The following ZNF829 variants were observed in gnomAD, a reference collection of about 807,000 sequenced individuals.
ZNF829 encodes zinc finger protein 829.
A neutral mutation model predicts 35.2 loss-of-function variants in ZNF829; 25 were observed. That is an observed-to-expected ratio of 0.71 (90% CI 0.52 to 0.99). The LOEUF (loss-of-function observed/expected upper bound fraction) is 0.99, where lower values mean the gene tolerates loss of function less well. ZNF829 is among the 50% of genes least tolerant of loss of function. ZNF829 has a pLI of 0.00. For synonymous variants in ZNF829, 136 were observed against 163.2 expected (o/e 0.83, Z 1.27); for missense variants, 417 against 515.3 (o/e 0.81, Z 1.85).
intron 5 of ZNF829, among the ~76,000 whole-genome samples, chr19:36,894,536 T>A (rs554799701): frequency 6.6e-6 from 1 of 151,962 alleles, no homozygotes; most frequent in East Asian, 1.9e-4. Flanking sequence ...AGAACATGGA[T>A]AAAAACCAAA....
In ZNF829 at chr19:36,915,197, G is replaced by C; in HGVS notation, c.-30C>G. On this transcript the variant is annotated 5_prime_UTR_variant, in exon 2 of 6. Coordinates refer to ENST00000391711, the MANE Select transcript of ZNF829 (RefSeq NM_001037232.4). ...TCCAATTCCAGTGGCTCAGGGGAAA[G>C]GTTGTGTTCACTGCTGTCCAGGGTT... 6.2e-7 allele frequency: 1 copy of C among 1,614,034 alleles called. No individual in the cohort carries two copies. Among genetic ancestry groups the C allele is most frequent in the Non-Finnish European group, 8.5e-7 (1 of 1,179,922 alleles).
intron 4 of ZNF829, 32 bp downstream of exon 4, chr19:36,908,301 C>T (rs1448140337): frequency 1.3e-6 from 2 of 1,593,736 alleles, no homozygotes; most frequent in South Asian, 1.1e-5. Flanking sequence ...TCCAAGGGCA[C>T]ACTCTGAATT....
chr19:36,901,735 C>A, intron 5 of ZNF829: 1 of 497,340 alleles, frequency 2.0e-6, no homozygotes, highest in East Asian at 3.7e-5. Flanking sequence ...AACTTGGATC[C>A]GGCAGAATGG....
At position 36,891,478 on chromosome 19, in the gene ZNF829, T is replaced by C; in HGVS notation, c.*14A>G. The C allele has an allele frequency of 6.6e-7, 1 of 1,524,462 alleles. No homozygotes were observed. Among genetic ancestry groups the C allele is most frequent in the Non-Finnish European group, 8.8e-7 (1 of 1,140,032 alleles). 94.4% of individuals were successfully genotyped at this position (1,524,462 alleles called of 1,614,324 possible). On this transcript the variant is annotated 3_prime_UTR_variant, in exon 6 of 6. Transcript: ENST00000391711. Reference sequence around the variant, plus strand: ...ATTATAAAGGTTAACAAAATGGTCTTACTTTACTGTCATTCAACCAGTATG... The same window carrying C: ...ATTATAAAGGTTAACAAAATGGTCTCACTTTACTGTCATTCAACCAGTATG...
rs764420391 is a variant in ZNF829 at position 36,907,989 on chromosome 19, A to G, written c.259T>C (p.Leu87=). The G allele has an allele frequency of 3.7e-6, 6 of 1,613,880 alleles. No homozygotes were observed. The Admixed American group carries it at 5.0e-5, about 13-fold the overall frequency. Residue 87 remains leucine (L), a synonymous_variant, in exon 5 of 6, where the codon TTG becomes CTG. Coordinates refer to ENST00000391711, the MANE Select transcript of ZNF829 (RefSeq NM_001037232.4). The stretch of plus-strand genomic sequence containing the variant: ...ATCCAGGGCTCTTTTCCTTGTTCCA[A>G]TAAGGAGATCACAGCTGGCTTAGAA... The part of the protein sequence containing the change: ...SNSKPAVISL[L]EQGKEPWMVD...
At position 36,889,590 on chromosome 19, in the gene ZNF829, G is replaced by C. The variant is rs2073031328; in HGVS notation, c.*1902C>G. ...CTAATATGTGCATATAGTTTCTGCTGATATTTTATATGTCTGTGTTATCAG... is the reference window on the plus strand; with the variant it reads ...CTAATATGTGCATATAGTTTCTGCTCATATTTTATATGTCTGTGTTATCAG... On this transcript the variant is annotated 3_prime_UTR_variant, in exon 6 of 6. Coordinates refer to ENST00000391711, the MANE Select transcript of ZNF829 (RefSeq NM_001037232.4). 1 of 152,040 alleles carries C rather than the reference G, an allele frequency of 6.6e-6. No individual in the cohort carries two copies. The highest frequency in any genetic ancestry group is 6.5e-5 in the Admixed American group (1 of 15,274). The allele number at this position is 152,040 out of a possible 1,614,324, so 9.4% of individuals were successfully genotyped here.
intron 5 of ZNF829, among the ~76,000 whole-genome samples, chr19:36,898,291 A>C (rs2073131015): frequency 6.6e-6 from 1 of 152,238 alleles, no homozygotes; most frequent in African/African-American, 2.4e-5. Context: ...AATAAATTTA[A>C]CCATGAAGTG....
chr19:36,893,340 T>C (rs2073080255), intron 5 of ZNF829, among the ~76,000 whole-genome samples: 1 of 152,130 alleles, frequency 6.6e-6, no homozygotes, highest in Non-Finnish European at 1.5e-5. Flanking sequence ...AAATGAATAA[T>C]TCAAGTCATA....
chr19:36,916,067 A>C lies in ZNF829; in HGVS notation c.-141T>G. The stretch of plus-strand genomic sequence containing the variant: ...CGAAACGTTCGAATTCCTGCGAGAA[A>C]AGTGGCAGGCCACCAGGCCCTCTGG... On this transcript the variant is annotated 5_prime_UTR_variant, in exon 1 of 6. Coordinates refer to ENST00000391711, the MANE Select transcript of ZNF829 (RefSeq NM_001037232.4). The surrounding 1 kb of genome is among the most constrained non-coding windows in gnomAD (Gnocchi z 5.3). 2.4e-6 allele frequency: 2 copies of C among 834,314 alleles called. No individual in the cohort carries two copies. Among genetic ancestry groups the C allele is most frequent in the Non-Finnish European group, 3.6e-6 (2 of 559,818 alleles). The allele number at this position is 834,314 out of a possible 1,614,324, so 51.7% of individuals were successfully genotyped here.
chr19:36,897,767 C>G lies in ZNF829; in HGVS notation c.320-5296G>C, dbSNP rs10402487. Among the ~76,000 whole-genome samples the G allele has an allele frequency of 3.1e-3, 473 of 152,318 alleles. 5 individuals carry two copies. The highest frequency in any genetic ancestry group is 0.011 in the African/African-American group (456 of 41,582). ...AATAGAAAGTCACACTGTCCCTTTA[C>G]AGATGACATGATCTTACATATATTT... On this transcript the variant is annotated intron_variant, in intron 5 of 5. Coordinates refer to ENST00000391711, the MANE Select transcript of ZNF829 (RefSeq NM_001037232.4).
chr19:36,908,110 TG>T, intron 4 of ZNF829, 86 bp from the exon 5 acceptor site: 2 of 1,298,942 alleles, frequency 1.5e-6, no homozygotes, highest in Non-Finnish European at 2.2e-6. Flanking sequence ...AAAGGAGAGA[TG>T]CCACTACAAG....
At chr19:36,898,381 C>T (rs1455169639) in intron 5 of ZNF829, among the ~76,000 whole-genome samples, 1 of 152,094 alleles carries the variant, frequency 6.6e-6, no homozygotes, top group Non-Finnish European at 1.5e-5. Flanking sequence ...TATTTGCATG[C>T]TTATGCACTG....
rs2073192195 is a variant in ZNF829, at chr19:36,903,759, CAGGTG to C, written c.319+4165_319+4169del. ...TAAAAAAATTAGCCGGGCATGGTGGCAGGTGCCTCTAATCCCAGCTACTCGGGAGG... is the reference window on the plus strand; with the variant it reads ...TAAAAAAATTAGCCGGGCATGGTGGCCCTCTAATCCCAGCTACTCGGGAGG... On this transcript the variant is annotated intron_variant, in intron 5 of 5. Coordinates refer to ENST00000391711, the MANE Select transcript of ZNF829 (RefSeq NM_001037232.4). Among the ~76,000 whole-genome samples, 6 of 114,540 alleles carry C rather than the reference CAGGTG, an allele frequency of 5.2e-5. No individual in the cohort carries two copies. The South Asian group carries it at 1.9e-3, about 36-fold the overall frequency. 75.1% of individuals were successfully genotyped at this position (114,540 alleles called of 152,430 possible). A position where few individuals can be genotyped will look rare whatever the true frequency, so the allele number is the denominator to read the frequency against.
intron 3 of ZNF829, 61 bp from the exon 4 acceptor site, chr19:36,908,520 G>A: frequency 4.5e-6 from 7 of 1,541,658 alleles, no homozygotes; most frequent in Non-Finnish European, 6.1e-6. Flanking sequence ...CGGTAGAGGT[G>A]GCAAGAAAGG....
chr19:36,907,762 C>A, intron 5 of ZNF829, 167 bp downstream of exon 5: 2 of 540,170 alleles, frequency 3.7e-6, no homozygotes, highest in Non-Finnish European at 6.5e-6. Context: ...TAATTGTAGC[C>A]AGGGAGGTAC....
Position 36,916,014 on chromosome 19 carries a change from C to T in ZNF829, c.-88G>A. The T allele has an allele frequency of 7.5e-7, 1 of 1,325,592 alleles. No homozygotes were observed. Among genetic ancestry groups the T allele is most frequent in the African/African-American group, 1.5e-5 (1 of 68,178 alleles). 82.1% of individuals were successfully genotyped at this position (1,325,592 alleles called of 1,614,324 possible). On this transcript the variant is annotated 5_prime_UTR_variant, in exon 1 of 6. Coordinates refer to ENST00000391711, the MANE Select transcript of ZNF829 (RefSeq NM_001037232.4). The surrounding 1 kb of genome is among the most constrained non-coding windows in gnomAD (Gnocchi z 5.3). ...CCTGGGGACCAAAATATCTCACCTCCCAGATCTAAGGGTCCCGCCAGGAGT... is the reference window on the plus strand; with the variant it reads ...CCTGGGGACCAAAATATCTCACCTCTCAGATCTAAGGGTCCCGCCAGGAGT...
At chr19:36,904,789 T>C (rs2073202152) in intron 5 of ZNF829, among the ~76,000 whole-genome samples, 1 of 151,950 alleles carries the variant, frequency 6.6e-6, no homozygotes, top group Non-Finnish European at 1.5e-5. Flanking sequence ...TATTTTAAAA[T>C]GAAAAAGGAA....
intron 5 of ZNF829, among the ~76,000 whole-genome samples, chr19:36,894,137 C>T (rs189725751): frequency 6.6e-6 from 1 of 152,258 alleles, no homozygotes; most frequent in African/African-American, 2.4e-5. Context: ...CTCATCACAG[C>T]TTCCACTAAC....
chr19:36,892,517 G>A, intron 5 of ZNF829, 46 bp from the exon 6 acceptor site: 3 of 1,504,268 alleles, frequency 2.0e-6, no homozygotes, highest in Non-Finnish European at 2.6e-6. Context: ...TTCTGGGCAA[G>A]TTAAAACTTC....
Sources: gnomAD v4.1 joint callset for allele counts (sites outside exome capture counted in the v4.1 genomes callset) on GRCh38, gnomAD v4.1.1 for gene constraint, Gnocchi (gnomAD v3.1) non-coding constraint, MANE v1.5 for transcripts, NCBI Gene and HGNC (gene_info 2026-07-23, HGNC 2026-07-21) for gene names.